ABCB1: variants seen among roughly 807,000 people sequenced by gnomAD.
The protein encoded by ABCB1 is ATP-dependent translocase ABCB1.
In ABCB1, 69 loss-of-function variants were observed where a neutral mutation model predicts 142.0. That is an observed-to-expected ratio of 0.49 (90% CI 0.40 to 0.59). ABCB1 has a LOEUF of 0.59. Among genes scored for constraint, ABCB1 ranks in the 20% least tolerant of loss-of-function variants. The pLI, the probability that ABCB1 is intolerant of heterozygous loss-of-function variation, is 0.00. For missense variants in ABCB1, 1,326 were observed against 1,554.7 expected (o/e 0.85, Z 2.47); for synonymous variants, 532 against 539.2 (o/e 0.99, Z 0.18).
chr7:87,543,222 A>C (rs1816619319), intron 17 of ABCB1, among the ~76,000 whole-genome samples: 1 of 152,130 alleles, frequency 6.6e-6, no homozygotes, highest in Non-Finnish European at 1.5e-5. Context: ...TGAACCCAGG[A>C]GGCAGAGGCT....
chr7:87,618,184 A>C (rs1181035298), intron 1 of ABCB1, among the ~76,000 whole-genome samples: 1 of 152,084 alleles, frequency 6.6e-6, no homozygotes, highest in Non-Finnish European at 1.5e-5. Flanking sequence ...GTCCTGCCCC[A>C]ACTTCTTTTA....
chr7:87,703,885 C>CTTTTTTTTTTTTTTTTTTTTTTTTTTTT lies in ABCB1; in HGVS notation c.-331+9275_-331+9276insAAAAAAAAAAAAAAAAAAAAAAAAAAAA. 1.6e-3 allele frequency among the ~76,000 whole-genome samples: 99 copies of CTTTTTTTTTTTTTTTTTTTTTTTTTTTT among 60,302 alleles called. 4 individuals are homozygous for CTTTTTTTTTTTTTTTTTTTTTTTTTTTT. The highest frequency in any genetic ancestry group is 2.5e-3 in the South Asian group (4 of 1,584). 39.6% of individuals were successfully genotyped at this position (60,302 alleles called of 152,430 possible). A position where few individuals can be genotyped will look rare whatever the true frequency, so the allele number is the denominator to read the frequency against. ...CTTAGGTGAGCTTTATCAGTTTTTT[C>CTTTTTTTTTTTTTTTTTTTTTTTTTTTT]TTTTTTTTTTTTTTTTTTTTTTTTT... On this transcript the variant is annotated intron_variant, in intron 1 of 28. Transcript: ENST00000265724.
chr7:87,661,215 A>G (rs748307170), intron 1 of ABCB1, among the ~76,000 whole-genome samples: 8 of 152,094 alleles, frequency 5.3e-5, no homozygotes, highest in Non-Finnish European at 1.2e-4. Context: ...ACATCAGCAT[A>G]AATAAGGTAT....
At chr7:87,537,537 T>C (rs912350676) in intron 19 of ABCB1, among the ~76,000 whole-genome samples, 3 of 152,136 alleles carry the variant, frequency 2.0e-5, no homozygotes, top group African/African-American at 7.2e-5. Context: ...AGAACGGAGC[T>C]GTCGCTTACT....
At chr7:87,606,174 G>C (rs1690817561) in intron 1 of ABCB1, among the ~76,000 whole-genome samples, 2 of 151,868 alleles carry the variant, frequency 1.3e-5, no homozygotes, top group African/African-American at 4.8e-5. Context: ...ATGCAAATAG[G>C]CAATTCATAT....
chr7:87,668,403 G>A (rs1474142055), intron 1 of ABCB1, among the ~76,000 whole-genome samples: 2 of 151,666 alleles, frequency 1.3e-5, no homozygotes, highest in Non-Finnish European at 1.5e-5. Flanking sequence ...CTAACTAGTG[G>A]CCTATTTTAT....
intron 1 of ABCB1, among the ~76,000 whole-genome samples, chr7:87,693,660 A>G (rs1053295117): frequency 5.3e-5 from 8 of 152,186 alleles, no homozygotes; most frequent in African/African-American, 1.7e-4. Context: ...TTCTGCTCAC[A>G]TATTTTTGAC....
chr7:87,560,009 A>G (rs1817490308), intron 8 of ABCB1, among the ~76,000 whole-genome samples: 1 of 152,184 alleles, frequency 6.6e-6, no homozygotes, highest in Non-Finnish European at 1.5e-5. Flanking sequence ...TAACTTATCT[A>G]AATAGTATCC....
chr7:87,526,361 C>T (rs1394870708), intron 21 of ABCB1, among the ~76,000 whole-genome samples: 1 of 151,812 alleles, frequency 6.6e-6, no homozygotes, highest in Non-Finnish European at 1.5e-5. Context: ...TGTAGAGTAC[C>T]ATGTGCTTTG....
intron 1 of ABCB1, among the ~76,000 whole-genome samples, chr7:87,619,410 A>G (rs1820143376): frequency 6.6e-6 from 1 of 151,920 alleles, no homozygotes; most frequent in Admixed American, 6.6e-5. Flanking sequence ...ATGGTGGCAC[A>G]TGCTTGTATT....
chr7:87,577,716 T>A (rs976758455), intron 4 of ABCB1, among the ~76,000 whole-genome samples: 1 of 152,240 alleles, frequency 6.6e-6, no homozygotes, highest in African/African-American at 2.4e-5. Context: ...TTGCCATTTG[T>A]ATAGCTTCTT....
intron 7 of ABCB1, 59 bp downstream of exon 7, chr7:87,566,011 G>C (rs1396426595): frequency 6.4e-7 from 1 of 1,572,468 alleles, no homozygotes; most frequent in African/African-American, 1.4e-5. Flanking sequence ...CTTTCCGTAG[G>C]GTGAGAGCAG....
intron 1 of ABCB1, among the ~76,000 whole-genome samples, chr7:87,644,408 G>A (rs189764509): frequency 3.7e-4 from 56 of 152,334 alleles, no homozygotes; most frequent in Admixed American, 5.9e-4. Context: ...ACTACTAACA[G>A]CAATGACATA....
intron 1 of ABCB1, among the ~76,000 whole-genome samples, chr7:87,629,903 A>G (rs1821029121): frequency 2.0e-5 from 3 of 150,722 alleles, no homozygotes. Flanking sequence ...AGCCGGGACC[A>G]CAGGGGGAGA....
At chr7:87,562,059 C>A (rs937928487) in intron 7 of ABCB1, among the ~76,000 whole-genome samples, 7 of 151,978 alleles carry the variant, frequency 4.6e-5, no homozygotes, top group African/African-American at 1.7e-4. Context: ...TATATTCTTT[C>A]AATAAAAAAT....
intron 17 of ABCB1, among the ~76,000 whole-genome samples, chr7:87,543,130 C>T (rs1054227838): frequency 6.6e-6 from 1 of 152,052 alleles, no homozygotes; most frequent in Admixed American, 6.5e-5. Flanking sequence ...CCTATCTCTA[C>T]TAAAAATACA....
chr7:87,520,279 A>C lies in ABCB1; in HGVS notation c.2786+497T>G, dbSNP rs532123512. On this transcript the variant is annotated intron_variant, in intron 22 of 27. Transcript: ENST00000622132. ...AGTCCAGCTTTCCTTTTATTATAAG[A>C]AACAGACTCAGAAAGGTTGGGCTTG... 2.0e-5 allele frequency among the ~76,000 whole-genome samples: 3 copies of C among 152,332 alleles called. No individual in the cohort carries two copies. The East Asian group carries it at 5.8e-4, about 29-fold the overall frequency.
At chr7:87,678,670 G>T (rs897225649) in intron 1 of ABCB1, among the ~76,000 whole-genome samples, 1 of 151,958 alleles carries the variant, frequency 6.6e-6, no homozygotes, top group Non-Finnish European at 1.5e-5. Context: ...GGTAAAAAAA[G>T]GACTCAATAT....
At chr7:87,505,402 A>G (rs1374848603) in intron 27 of ABCB1, among the ~76,000 whole-genome samples, 1 of 152,184 alleles carries the variant, frequency 6.6e-6, no homozygotes, top group Non-Finnish European at 1.5e-5. Flanking sequence ...AATCCAGCTC[A>G]CAGTAAATTC....
Sources: allele counts gnomAD v4.1 joint callset (sites outside exome capture counted in the v4.1 genomes callset), GRCh38; gene constraint gnomAD v4.1.1; transcripts MANE v1.5; gene names NCBI Gene and HGNC (gene_info 2026-07-23, HGNC 2026-07-21).